The following MCM4 variants were observed in gnomAD, a reference collection of about 807,000 sequenced individuals.
MCM4 encodes minichromosome maintenance complex component 4.
In MCM4, 60 loss-of-function variants were observed where a neutral mutation model predicts 88.7. The ratio of observed to expected loss-of-function variants is 0.68; its 90% CI spans 0.55 to 0.84. MCM4 has a LOEUF of 0.84. Ranked by LOEUF, MCM4 falls within the 40% of genes least tolerant of loss-of-function variation. The pLI is 0.00. For missense variants in MCM4, 1,149 were observed against 1,105.5 expected, an observed-to-expected ratio of 1.04 and a Z score of -0.56; for synonymous variants, 465 against 410.5, an observed-to-expected ratio of 1.13 and a Z score of -1.61.
At chr8:47,973,133 C>A in intron 14 of MCM4, 69 bp downstream of exon 14, 1 of 1,253,292 alleles carries the variant, frequency 8.0e-7, no homozygotes, top group East Asian at 2.5e-5. Context: ...CCAATCATCT[C>A]CTTTAAAATA....
In MCM4 at chr8:47,970,011, C is replaced by T; in HGVS notation, c.1388C>T (p.Ala463Val). ...SRKPDIYERL[A>V]SALAPSIYEH... ...AAACCAGACATTTATGAGAGGCTTG[C>T]TTCAGCCTTGGCTCCAAGCATTTAT... is the stretch of plus-strand genomic sequence containing the variant. Residue 463 changes from alanine (A) to valine (V), a missense_variant, in exon 11 of 17, where the codon GCT becomes GTT. Around this residue, in one of 3 missense-constraint regions of MCM4, gnomAD observed 906 missense variants for 843.0 expected, o/e 1.07. Transcript: ENST00000649973. The T allele has an allele frequency of 6.2e-7, 1 of 1,614,194 alleles. No homozygotes were observed. Among genetic ancestry groups the T allele is most frequent in the Non-Finnish European group, 8.5e-7 (1 of 1,180,002 alleles).
In MCM4 at chr8:47,972,940, A is replaced by C. The variant is rs991671311; in HGVS notation, c.2012A>C (p.Tyr671Ser). ...RLAHHLVALY[Y>S]QSEEQAEEEL... is the part of the protein sequence containing the mutation. ...GCTCACCACCTGGTCGCACTGTACT[A>C]CCAGAGCGAGGAGCAGGCAGAGGAG... Residue 671 changes from tyrosine (Y) to serine (S), a missense_variant, in exon 14 of 17, where the codon TAC becomes TCC. Tyr to Ser is a moderately radical substitution (Grantham distance 144, BLOSUM62 -2). Coordinates refer to ENST00000649973, the MANE Select transcript of MCM4 (RefSeq NM_182746.3). 3 of 1,614,050 alleles carry C rather than the reference A, an allele frequency of 1.9e-6. No homozygotes were observed. The highest frequency in any genetic ancestry group is 2.5e-6 in the Non-Finnish European group (3 of 1,180,036).
intron 16 of MCM4, among the ~76,000 whole-genome samples, 187 bp downstream of exon 16, chr8:47,976,035 G>A (rs1052014331): frequency 3.3e-5 from 5 of 152,162 alleles, no homozygotes; most frequent in Admixed American, 2.6e-4. Context: ...AGTAGCTCAC[G>A]CCTGTAATCT....
At chr8:47,967,317 C>A in intron 9 of MCM4, 48 bp from the exon 10 acceptor site, 1 of 1,610,972 alleles carries the variant, frequency 6.2e-7, no homozygotes, top group South Asian at 1.1e-5. Flanking sequence ...ATTTTGTCCC[C>A]CTGCCCTCTC....
chr8:47,961,363 C>A, intron 2 of MCM4, 149 bp downstream of exon 2: 1 of 1,495,270 alleles, frequency 6.7e-7, no homozygotes, highest in Non-Finnish European at 8.9e-7. Flanking sequence ...ACACCCACAG[C>A]AGGCTGTGGC....
At position 47,976,488 on chromosome 8, in the gene MCM4, C is replaced by T. The variant is rs550444905; in HGVS notation, c.2500-198C>T. Among the ~76,000 whole-genome samples, 8 of 152,220 alleles carry T rather than the reference C, an allele frequency of 5.3e-5. No homozygotes were observed. In the South Asian group the frequency reaches 1.2e-3, roughly 24 times the overall value. Reference sequence around the variant, plus strand: ...GAGAGGGCAGAGTTGATAGTTACAACGTGGACTATACAGATGCCAAGTCTA... The same window carrying T: ...GAGAGGGCAGAGTTGATAGTTACAATGTGGACTATACAGATGCCAAGTCTA... On this transcript the variant is annotated intron_variant, in intron 16 of 16. Transcript: ENST00000649973.
At chr8:47,961,788 C>G (rs994043241) in intron 3 of MCM4, 108 bp downstream of exon 3, 1 of 1,359,686 alleles carries the variant, frequency 7.4e-7, no homozygotes, top group African/African-American at 1.5e-5. Context: ...AAAGCATCCC[C>G]TCTGCACGTG....
Position 47,961,626 on chromosome 8 carries a change from A to G in MCM4, c.181A>G (p.Ser61Gly). 1 of 1,614,114 alleles carries G rather than the reference A, an allele frequency of 6.2e-7. No homozygotes were observed. Among genetic ancestry groups the G allele is most frequent in the Non-Finnish European group, 8.5e-7 (1 of 1,179,972 alleles). ...MPTSPGVDLQ[S>G]PAAQDVLFSS... ...AACCTCGCCTGGAGTGGACCTGCAG[A>G]GCCCTGCTGCGCAGGACGTGCTGTT... is the stretch of plus-strand genomic sequence containing the variant. The change falls in exon 3 of 17, where the codon AGC becomes GGC. Residue 61 changes from serine (S) to glycine (G), a missense_variant. This residue lies in a region of MCM4 where 906 missense variants were observed against 843.0 expected (regional missense o/e 1.07). Transcript: ENST00000649973.
At chr8:47,964,306 T>G (rs923306549) in intron 7 of MCM4, among the ~76,000 whole-genome samples, 1 of 152,174 alleles carries the variant, frequency 6.6e-6, no homozygotes, top group Non-Finnish European at 1.5e-5. Flanking sequence ...GTCAAAATCT[T>G]TTTCCCTTCT....
chr8:47,965,842 G>A (rs962764884), intron 8 of MCM4, among the ~76,000 whole-genome samples: 1 of 152,174 alleles, frequency 6.6e-6, no homozygotes, highest in Non-Finnish European at 1.5e-5. Flanking sequence ...GACACAAAAT[G>A]TACACAGAAA....
chr8:47,967,259 G>T, intron 9 of MCM4, 106 bp from the exon 10 acceptor site: 2 of 1,155,300 alleles, frequency 1.7e-6, no homozygotes, highest in Non-Finnish European at 1.2e-6. Flanking sequence ...TTTATGTGGG[G>T]ATATGCACTG....
rs1400445205 is a variant in MCM4, at chr8:47,961,137, C to G, written c.-8C>G. On this transcript the variant is annotated 5_prime_UTR_variant, in exon 2 of 17. Coordinates refer to ENST00000649973, the MANE Select transcript of MCM4 (RefSeq NM_182746.3). ...GCTTGTCCTTGTCGCGCAGGTACTC[C>G]GAGCACTATGTCGTCCCCGGCGTCG... 2 of 1,553,316 alleles carry G rather than the reference C, an allele frequency of 1.3e-6. No homozygotes were observed. The highest frequency in any genetic ancestry group is 2.3e-5 in the South Asian group (2 of 86,382).
chr8:47,962,034 C>T lies in MCM4; in HGVS notation c.236-19C>T. On this transcript the variant is annotated intron_variant, in intron 3 of 16. Transcript: ENST00000649973. ...CAGGTTTGATATGCCACCAGAATTT[C>T]CTAATTTTGTTTTTATAGCTATCCC... is the stretch of plus-strand genomic sequence containing the variant. 6.2e-7 allele frequency: 1 copy of T among 1,612,980 alleles called. No individual in the cohort carries two copies. The highest frequency in any genetic ancestry group is 8.5e-7 in the Non-Finnish European group (1 of 1,179,130).
At chr8:47,968,175 G>A (rs977158620) in intron 10 of MCM4, among the ~76,000 whole-genome samples, 7 of 152,218 alleles carry the variant, frequency 4.6e-5, no homozygotes, top group Middle Eastern at 3.4e-3. Flanking sequence ...GTTGATGGCA[G>A]CACGGTTCTT....
Position 47,966,232 on chromosome 8 carries a change from C to G in MCM4, c.878C>G (p.Ser293Cys), listed in dbSNP as rs374937753. ...ATCAGCGGCATGGTGATCAGGACAT[C>G]CCAGCTGATTCCCGAGATGCAGGAG... ...ITISGMVIRTSQLIPEMQEAF... is the reference protein window; with the variant it reads ...ITISGMVIRTCQLIPEMQEAF... Residue 293 changes from serine (S) to cysteine (C), a missense_variant, in exon 9 of 17, where the codon TCC becomes TGC. This residue lies in a region of MCM4 where 906 missense variants were observed against 843.0 expected (regional missense o/e 1.07). Transcript: ENST00000649973. 14 of 1,613,972 alleles carry G rather than the reference C, an allele frequency of 8.7e-6. No homozygotes were observed. The highest frequency in any genetic ancestry group is 2.2e-5 in the East Asian group (1 of 44,888).
At chr8:47,969,654 T>G in intron 10 of MCM4, 144 bp from the exon 11 acceptor site, 1 of 721,444 alleles carries the variant, frequency 1.4e-6, no homozygotes, top group South Asian at 1.8e-5. Flanking sequence ...GAGGGTCATT[T>G]AAGAGACGGT....
chr8:47,962,242 TC>T, intron 4 of MCM4, 26 bp downstream of exon 4: 1 of 1,614,116 alleles, frequency 6.2e-7, no homozygotes, highest in African/African-American at 1.3e-5. Flanking sequence ...CCTGAAACCA[TC>T]TTATGGCGGG....
Position 47,978,063 on chromosome 8 carries a change from T to C in MCM4, c.*1285T>C, listed in dbSNP as rs2091016443. ...TATAACGAATCTCATTTTCTTTAAA[T>C]GTGAATTAAATCCTAACAGTCATCT... On this transcript the variant is annotated 3_prime_UTR_variant, in exon 17 of 17. Coordinates refer to ENST00000649973, the MANE Select transcript of MCM4 (RefSeq NM_182746.3). The C allele has an allele frequency of 6.6e-6, 1 of 152,014 alleles. No individual in the cohort carries two copies. The highest frequency in any genetic ancestry group is 1.5e-5 in the Non-Finnish European group (1 of 67,986). 9.4% of individuals were successfully genotyped at this position (152,014 alleles called of 1,614,324 possible).
rs1006489381 is a variant in MCM4, at chr8:47,975,150, AACAC to A, written c.2365+194_2365+197del. On this transcript the variant is annotated intron_variant, in intron 15 of 16. Transcript: ENST00000649973. Reference sequence around the variant, plus strand: ...TCTTATCTTGATAAAAATATTGATTAACACACACAGTTTTGTGTATAGTTTTTTT... The same window carrying A: ...TCTTATCTTGATAAAAATATTGATTAACACAGTTTTGTGTATAGTTTTTTT... 179 of 537,140 alleles carry A rather than the reference AACAC, an allele frequency of 3.3e-4. No homozygotes were observed. In the East Asian group the frequency reaches 3.4e-3, roughly 10 times the overall value. 33.3% of individuals were successfully genotyped at this position (537,140 alleles called of 1,614,324 possible).
Sources: allele counts gnomAD v4.1 joint callset (sites outside exome capture counted in the v4.1 genomes callset), GRCh38; gene constraint gnomAD v4.1.1; regional missense constraint gnomAD v4.1.1; transcripts MANE v1.5; gene names NCBI Gene and HGNC (gene_info 2026-07-23, HGNC 2026-07-21).